Variants in AATF observed in about 807,000 individuals in gnomAD.
The protein encoded by AATF is apoptosis antagonizing transcription factor.
Under a neutral mutation model 63.7 loss-of-function variants are expected in AATF, and 48 were observed. That is an observed-to-expected ratio of 0.75 (90% CI 0.60 to 0.96). The LOEUF is 0.96. Among genes scored for constraint, AATF ranks in the 40% least tolerant of loss-of-function variants. The probability of loss-of-function intolerance (pLI) is 0.00; values close to 1 mark genes in which losing one functional copy is unlikely to be tolerated. For synonymous variants in AATF, 258 were observed against 247.7 expected (o/e 1.04, Z -0.39); for missense variants, 639 against 685.7 (o/e 0.93, Z 0.76).
intron 4 of AATF, among the ~76,000 whole-genome samples, chr17:36,983,748 C>T (rs540219732): frequency 3.3e-5 from 5 of 152,136 alleles, no homozygotes; most frequent in Admixed American, 6.5e-5. Context: ...ATTACAAATT[C>T]TCCCAAGTGG....
intron 8 of AATF, among the ~76,000 whole-genome samples, chr17:36,993,145 A>G (rs1261085775): frequency 6.6e-6 from 1 of 151,964 alleles, no homozygotes; most frequent in Non-Finnish European, 1.5e-5. Flanking sequence ...ATCACTTACC[A>G]CTCTTTGGCA....
At chr17:36,996,382 C>T (rs1040942691) in intron 8 of AATF, among the ~76,000 whole-genome samples, 1 of 151,974 alleles carries the variant, frequency 6.6e-6, no homozygotes, top group African/African-American at 2.4e-5. Flanking sequence ...TACGGTGAGC[C>T]AAGATCGCAT....
chr17:37,043,747 G>A (rs2071664545), intron 11 of AATF, among the ~76,000 whole-genome samples: 1 of 152,100 alleles, frequency 6.6e-6, no homozygotes, highest in African/African-American at 2.4e-5. Context: ...CAGTATTCCT[G>A]AGCACCTTAT....
Position 37,037,714 on chromosome 17 carries a change from G to A in AATF, c.1619+6029G>A, listed in dbSNP as rs1024669266. Among the ~76,000 whole-genome samples, 8 of 152,300 alleles carry A rather than the reference G, an allele frequency of 5.3e-5. No homozygotes were observed. The South Asian group carries it at 1.0e-3, about 20-fold the overall frequency. ...TAAAGCCAGTGTTGGATGCTGATAC[G>A]GTTTGGATTGGCATCCCTGCCAAAT... is the stretch of plus-strand genomic sequence containing the variant. On this transcript the variant is annotated intron_variant, in intron 11 of 11. Coordinates refer to ENST00000619387, the MANE Select transcript of AATF (RefSeq NM_012138.4).
intron 8 of AATF, among the ~76,000 whole-genome samples, chr17:37,011,287 A>G (rs979858052): frequency 1.3e-5 from 2 of 152,182 alleles, no homozygotes; most frequent in Non-Finnish European, 2.9e-5. Flanking sequence ...AGGCAGGAGA[A>G]TTGCTTGAAA....
intron 11 of AATF, among the ~76,000 whole-genome samples, chr17:37,051,724 A>ACACACACACACG (rs2071752862): frequency 6.6e-6 from 1 of 151,486 alleles, no homozygotes; most frequent in Admixed American, 6.6e-5. Context: ...ACACACACAC[A>ACACACACACACG]CACACGCACA....
intron 8 of AATF, among the ~76,000 whole-genome samples, chr17:37,009,837 A>AAC (rs1347301590): frequency 6.6e-6 from 1 of 150,460 alleles, no homozygotes; most frequent in African/African-American, 2.4e-5. Context: ...AAAAAAAAAA[A>AAC]AAAAAAAAAA....
At chr17:36,998,086 G>C (rs1302429738) in intron 8 of AATF, among the ~76,000 whole-genome samples, 5 of 152,162 alleles carry the variant, frequency 3.3e-5, no homozygotes, top group South Asian at 4.1e-4. Flanking sequence ...AAGAGTGGAA[G>C]AGGGGCAAGG....
intron 4 of AATF, among the ~76,000 whole-genome samples, chr17:36,985,490 T>C (rs1219238438): frequency 6.6e-6 from 1 of 150,780 alleles, no homozygotes; most frequent in Non-Finnish European, 1.5e-5. Context: ...ACTGTGTTGC[T>C]GAGGCTGGTC....
At chr17:37,011,686 C>T (rs992363550) in intron 8 of AATF, among the ~76,000 whole-genome samples, 1 of 152,016 alleles carries the variant, frequency 6.6e-6, no homozygotes, top group African/African-American at 2.4e-5. Flanking sequence ...CAGAGAGATG[C>T]CTCACTGATA....
intron 10 of AATF, among the ~76,000 whole-genome samples, chr17:37,028,932 AATTC>A (rs1486515874): frequency 1.3e-4 from 20 of 152,184 alleles, no homozygotes; most frequent in African/African-American, 4.1e-4. Context: ...GTGAGAAAAG[AATTC>A]ATTCAAAATT....
chr17:36,951,331 C>T (rs1257037976), intron 2 of AATF, among the ~76,000 whole-genome samples: 1 of 152,068 alleles, frequency 6.6e-6, no homozygotes, highest in African/African-American at 2.4e-5. Flanking sequence ...GATAAAGGGA[C>T]CAATCATGAG....
At chr17:36,951,520 AAT>A (rs2070854873) in intron 2 of AATF, among the ~76,000 whole-genome samples, 1 of 152,196 alleles carries the variant, frequency 6.6e-6, no homozygotes, top group African/African-American at 2.4e-5. Context: ...TGTGTCACCT[AAT>A]TTAATCCTCC....
chr17:36,956,114 T>C (rs1014767547), intron 4 of AATF, among the ~76,000 whole-genome samples: 1 of 152,222 alleles, frequency 6.6e-6, no homozygotes, highest in African/African-American at 2.4e-5. Context: ...TATTTTGTTC[T>C]GATCTTTTTA....
At chr17:37,000,376 A>C (rs1040670025) in intron 8 of AATF, among the ~76,000 whole-genome samples, 3 of 152,164 alleles carry the variant, frequency 2.0e-5, no homozygotes, top group African/African-American at 7.2e-5. Context: ...GGGAAAAAAC[A>C]GTGAGAGAAG....
chr17:36,950,618 G>C (rs539650917), intron 2 of AATF, among the ~76,000 whole-genome samples: 1 of 152,318 alleles, frequency 6.6e-6, no homozygotes, highest in African/African-American at 2.4e-5. Flanking sequence ...TCCTGCCTCA[G>C]CCTCCCGAGT....
intron 10 of AATF, among the ~76,000 whole-genome samples, chr17:37,030,097 G>GACCCTGTCTAT (rs1450412375): frequency 6.6e-6 from 1 of 151,654 alleles, no homozygotes; most frequent in East Asian, 1.9e-4. Flanking sequence ...TGGGGGTATA[G>GACCCTGTCTAT]ACAGGGTCTT....
At chr17:37,011,439 G>A (rs1376427804) in intron 8 of AATF, among the ~76,000 whole-genome samples, 1 of 152,176 alleles carries the variant, frequency 6.6e-6, no homozygotes, top group Non-Finnish European at 1.5e-5. Flanking sequence ...GGAGGCAGCG[G>A]AGATGGAGAA....
At chr17:37,015,899 T>A (rs937742529) in intron 8 of AATF, among the ~76,000 whole-genome samples, 15 of 152,312 alleles carry the variant, frequency 9.8e-5, no homozygotes, top group African/African-American at 2.4e-4. Context: ...CTTCTGTGGT[T>A]CAATATTTCC....
Sources: gnomAD v4.1 joint callset for allele counts (sites outside exome capture counted in the v4.1 genomes callset) on GRCh38, gnomAD v4.1.1 for gene constraint, MANE v1.5 for transcripts, NCBI Gene and HGNC (gene_info 2026-07-23, HGNC 2026-07-21) for gene names.